Variants in ASAP2 observed in about 807,000 individuals in gnomAD.
ASAP2 encodes the protein ArfGAP with SH3 domain, ankyrin repeat and PH domain 2, also known as arf-GAP with SH3 domain, ANK repeat and PH domain-containing protein 2.
A neutral mutation model predicts 131.4 loss-of-function variants in ASAP2; 45 were observed. The observed-to-expected ratio is 0.34, with a 90% confidence interval of 0.27 to 0.44. The LOEUF (loss-of-function observed/expected upper bound fraction) is 0.44, where lower values mean the gene tolerates loss of function less well. Among genes scored for constraint, ASAP2 ranks in the 20% least tolerant of loss-of-function variants. ASAP2 has a pLI of 1.00. For synonymous variants in ASAP2, 510 were observed against 503.0 expected (o/e 1.01, Z -0.19); for missense variants, 1,011 against 1,297.0 (o/e 0.78, Z 3.39).
rs777916995 is a variant in ASAP2, at chr2:9,391,079, G to A, written c.2401G>A (p.Ala801Thr). The part of the protein sequence containing the change: ...NVGKVQTASS[A>T]NTLWKTNSVS... ...GGGTTCAGTTCAGACAGCCTCCTCTGCTAACACCCTGTGGAAGACAAACTC... is the reference window on the plus strand; with the variant it reads ...GGGTTCAGTTCAGACAGCCTCCTCTACTAACACCCTGTGGAAGACAAACTC... The change falls in exon 23 of 28, where the codon GCT becomes ACT. Residue 801 changes from alanine to threonine, a missense_variant. This residue lies in a region of ASAP2 where 652 missense variants were observed against 698.9 expected (regional missense o/e 0.93). Coordinates refer to ENST00000281419, the MANE Select transcript of ASAP2 (RefSeq NM_003887.3). 41 of 1,614,132 alleles carry A rather than the reference G, an allele frequency of 2.5e-5. No individual in the cohort carries two copies. The highest frequency in any genetic ancestry group is 3.2e-5 in the Non-Finnish European group (38 of 1,180,058).
rs772131831 is a variant in ASAP2, at chr2:9,391,190, T to A, written c.2512T>A (p.Ser838Thr). The change falls in exon 23 of 28, where the codon TCT becomes ACT. Residue 838 changes from serine (S) to threonine (T), a missense_variant. Coordinates refer to ENST00000281419, the MANE Select transcript of ASAP2 (RefSeq NM_003887.3). ...HPPLPPLRVT[S>T]TNPLTPTPPP... ...ACCGCTGCCCCCTCTTCGCGTGACATCTACCAGTACGTTTTTTTCCTTTTT... is the reference window on the plus strand; with the variant it reads ...ACCGCTGCCCCCTCTTCGCGTGACAACTACCAGTACGTTTTTTTCCTTTTT... 2.6e-5 allele frequency: 42 copies of A among 1,612,868 alleles called. No individual in the cohort carries two copies. The highest frequency in any genetic ancestry group is 3.4e-5 in the Non-Finnish European group (40 of 1,179,496).
At chr2:9,253,174 C>T (rs11682638) in intron 1 of ASAP2, among the ~76,000 whole-genome samples, 81,164 of 151,520 alleles carry the variant, frequency 0.54, 22,773 homozygotes, top group African/African-American at 0.72. Flanking sequence ...GTTTTTGTTT[C>T]TGTTTTTTTA....
chr2:9,307,554 G>A (rs1260373848), intron 3 of ASAP2, among the ~76,000 whole-genome samples: 2 of 152,210 alleles, frequency 1.3e-5, no homozygotes, highest in Admixed American at 1.3e-4. Flanking sequence ...CCCAGAACCG[G>A]CCTTCAGCTG....
intron 1 of ASAP2, among the ~76,000 whole-genome samples, chr2:9,222,091 G>T (rs1313062794): frequency 6.6e-6 from 1 of 152,056 alleles, no homozygotes; most frequent in Non-Finnish European, 1.5e-5. Context: ...CTGGCCTATT[G>T]CTTTTTCTTA....
At chr2:9,269,961 G>A (rs944343375) in intron 1 of ASAP2, among the ~76,000 whole-genome samples, 1 of 152,168 alleles carries the variant, frequency 6.6e-6, no homozygotes, top group Admixed American at 6.5e-5. Flanking sequence ...GATTGGAAGA[G>A]GCCCCTCGGT....
At chr2:9,342,041 C>G (rs1671619574) in intron 9 of ASAP2, among the ~76,000 whole-genome samples, 1 of 152,168 alleles carries the variant, frequency 6.6e-6, no homozygotes, top group African/African-American at 2.4e-5. Context: ...GTGCTAGACA[C>G]TCATGTGCAT....
At chr2:9,254,557 A>G (rs185709067) in intron 1 of ASAP2, among the ~76,000 whole-genome samples, 1,592 of 103,516 alleles carry the variant, frequency 0.015, 66 homozygotes, top group African/African-American at 0.069. Context: ...TTTTTTTAGT[A>G]GAGACGGGGT....
chr2:9,371,206 G>A lies in ASAP2; in HGVS notation c.1556+2687G>A, dbSNP rs531554140. On this transcript the variant is annotated intron_variant, in intron 16 of 27. Coordinates refer to ENST00000281419, the MANE Select transcript of ASAP2 (RefSeq NM_003887.3). ...CCCGGGCTTTTTTCAAAATGAGGGC[G>A]GATGACCCGTGTGATGGCGAAACAT... Among the ~76,000 whole-genome samples the A allele has an allele frequency of 3.3e-5, 5 of 152,284 alleles. No individual in the cohort carries two copies. In the South Asian group the frequency reaches 6.2e-4, roughly 19 times the overall value.
At chr2:9,317,439 C>A (rs1272222511) in intron 3 of ASAP2, among the ~76,000 whole-genome samples, 1 of 4,444 alleles carries the variant, frequency 2.3e-4, no homozygotes. Flanking sequence ...CACATACTCA[C>A]ATTCTCACAC....
intron 1 of ASAP2, among the ~76,000 whole-genome samples, chr2:9,278,111 A>G (rs563770943): frequency 1.3e-5 from 2 of 152,330 alleles, no homozygotes; most frequent in African/African-American, 4.8e-5. Flanking sequence ...ATTATGTGCC[A>G]GTAGCTGTAG....
chr2:9,290,607 G>A (rs868791341), intron 2 of ASAP2, among the ~76,000 whole-genome samples: 5 of 152,178 alleles, frequency 3.3e-5, no homozygotes, highest in African/African-American at 9.7e-5. Flanking sequence ...TATTCCTTAC[G>A]TTGTTATTAT....
intron 1 of ASAP2, among the ~76,000 whole-genome samples, chr2:9,243,534 T>A (rs1664128268): frequency 6.6e-6 from 1 of 152,274 alleles, no homozygotes; most frequent in Non-Finnish European, 1.5e-5. Flanking sequence ...TTACAATATC[T>A]GCTTTCTGTA....
chr2:9,320,407 G>T, intron 5 of ASAP2, 70 bp downstream of exon 5: 1 of 1,135,966 alleles, frequency 8.8e-7, no homozygotes, highest in Non-Finnish European at 1.3e-6. Flanking sequence ...ACCTCGTATT[G>T]CTTAAAGGGA....
At chr2:9,350,609 A>T (rs1258264302) in intron 11 of ASAP2, 199 bp from the exon 12 acceptor site, 1 of 482,678 alleles carries the variant, frequency 2.1e-6, no homozygotes, top group Non-Finnish European at 3.7e-6. Flanking sequence ...GCAGGGAGGC[A>T]GTTGCCCTCT....
chr2:9,371,080 G>T (rs1673911870), intron 16 of ASAP2, among the ~76,000 whole-genome samples: 1 of 152,188 alleles, frequency 6.6e-6, no homozygotes, highest in Non-Finnish European at 1.5e-5. Context: ...TCTAAAAAAT[G>T]AACACTGTCA....
intron 11 of ASAP2, 66 bp downstream of exon 11, chr2:9,344,866 T>C (rs375874873): frequency 1.4e-5 from 20 of 1,417,724 alleles, no homozygotes; most frequent in Non-Finnish European, 1.9e-5. Flanking sequence ...GAGGACTTTC[T>C]GAAGTTAGAG....
intron 11 of ASAP2, chr2:9,350,520 C>A (rs967994609): frequency 1.3e-5 from 4 of 307,224 alleles, no homozygotes; most frequent in Non-Finnish European, 2.4e-5. Flanking sequence ...TCTGAAGGCA[C>A]CCACTGCCAG....
chr2:9,246,105 C>G (rs1170610646), intron 1 of ASAP2, among the ~76,000 whole-genome samples: 1 of 152,138 alleles, frequency 6.6e-6, no homozygotes, highest in Non-Finnish European at 1.5e-5. Context: ...GGCTTTATCC[C>G]TGATCAGCTG....
rs1010846631 is a variant in ASAP2, at chr2:9,311,938, C to T, written c.346-6586C>T. Among the ~76,000 whole-genome samples, 11 of 152,170 alleles carry T rather than the reference C, an allele frequency of 7.2e-5. No individual in the cohort carries two copies. Among genetic ancestry groups the T allele is most frequent in the Non-Finnish European group, 1.0e-4 (7 of 68,038 alleles). The stretch of plus-strand genomic sequence containing the variant: ...AAGGCAGAGGCAAGCAGGCTGATGT[C>T]CAGGAGTCTGGAAGCTTTATTAGTG... On this transcript the variant is annotated intron_variant, in intron 3 of 27. Coordinates refer to ENST00000281419, the MANE Select transcript of ASAP2 (RefSeq NM_003887.3). This position sits in a 1 kb window ranked among gnomAD's most constrained non-coding sequence, Gnocchi z 5.2.
Sources: gnomAD v4.1 joint callset for allele counts (sites outside exome capture counted in the v4.1 genomes callset) on GRCh38, gnomAD v4.1.1 for gene constraint, gnomAD v4.1.1 regional missense constraint, Gnocchi (gnomAD v3.1) non-coding constraint, MANE v1.5 for transcripts, NCBI Gene and HGNC (gene_info 2026-07-23, HGNC 2026-07-21) for gene names.